Variants in DIXDC1 observed in about 807,000 individuals in gnomAD.
The protein encoded by DIXDC1 is dixin.
A neutral mutation model predicts 103.1 loss-of-function variants in DIXDC1; 64 were observed. That is an observed-to-expected ratio of 0.62 (90% CI 0.51 to 0.76). The LOEUF (loss-of-function observed/expected upper bound fraction) is 0.76, where lower values mean the gene tolerates loss of function less well. Ranked by LOEUF, DIXDC1 falls within the 30% of genes least tolerant of loss-of-function variation. The probability of loss-of-function intolerance (pLI) is 0.00; values close to 1 mark genes in which losing one functional copy is unlikely to be tolerated. For synonymous variants in DIXDC1, 266 were observed against 298.5 expected (o/e 0.89, Z 1.12); for missense variants, 759 against 834.2 (o/e 0.91, Z 1.11).
chr11:112,007,643 G>A (rs1861278524), intron 17 of DIXDC1, among the ~76,000 whole-genome samples: 2 of 152,122 alleles, frequency 1.3e-5, no homozygotes, highest in Admixed American at 1.3e-4. Context: ...AGAGAGTGGG[G>A]GCCAATATTC....
intron 17 of DIXDC1, among the ~76,000 whole-genome samples, chr11:112,013,342 GA>G (rs1207309948): frequency 6.4e-5 from 8 of 125,208 alleles, no homozygotes; most frequent in African/African-American, 2.1e-4. Context: ...TGGGGGGGGG[GA>G]ACAAATTCAG....
intron 1 of DIXDC1, among the ~76,000 whole-genome samples, chr11:111,928,207 A>G (rs1037439433): frequency 1.1e-4 from 17 of 151,596 alleles, no homozygotes; most frequent in African/African-American, 4.1e-4. Flanking sequence ...TGGAGGACTG[A>G]CCCCCACCAC....
Position 111,984,539 on chromosome 11 carries a change from A to G in DIXDC1, c.919-693A>G, listed in dbSNP as rs947701916. ...GGTGACAAAGTGAGACTCTGTCTCC[A>G]AATATTATAATAATAACAATAATAA... On this transcript the variant is annotated intron_variant, in intron 7 of 19. Coordinates refer to ENST00000440460, the MANE Select transcript of DIXDC1 (RefSeq NM_001037954.4). Among the ~76,000 whole-genome samples, 7 of 152,320 alleles carry G rather than the reference A, an allele frequency of 4.6e-5. No individual in the cohort carries two copies. The South Asian group carries it at 1.2e-3, about 27-fold the overall frequency.
Position 111,985,279 on chromosome 11 carries a change from C to T in DIXDC1, c.966C>T (p.Pro322=). ...GSLPEDEQER[P]LALCEPGVNP... is the part of the protein sequence containing the mutation. Reference sequence around the variant, plus strand: ...TACCTGAAGATGAACAGGAGAGGCCCTTGGCCCTCTGTGAACCAGGTGTCA... The same window carrying T: ...TACCTGAAGATGAACAGGAGAGGCCTTTGGCCCTCTGTGAACCAGGTGTCA... Residue 322 remains proline (P), a synonymous_variant, in exon 8 of 20, where the codon CCC becomes CCT. Coordinates refer to ENST00000440460, the MANE Select transcript of DIXDC1 (RefSeq NM_001037954.4). 3.1e-6 allele frequency: 5 copies of T among 1,613,702 alleles called. No individual in the cohort carries two copies. The highest frequency in any genetic ancestry group is 4.2e-6 in the Non-Finnish European group (5 of 1,179,806).
intron 10 of DIXDC1, among the ~76,000 whole-genome samples, chr11:111,990,082 G>A (rs7928483): frequency 0.026 from 3,682 of 141,810 alleles, 158 homozygotes; most frequent in African/African-American, 0.091. Flanking sequence ...GAGCCACCGC[G>A]CCCGGCCTTT....
Position 111,977,189 on chromosome 11 carries a change from CGCA to C in DIXDC1, c.656+2207_656+2209del. 1.1e-6 allele frequency: 1 copy of C among 940,940 alleles called. No individual in the cohort carries two copies. Among genetic ancestry groups the C allele is most frequent in the Non-Finnish European group, 1.3e-6 (1 of 788,926 alleles). The allele number at this position is 940,940 out of a possible 1,614,324, so 58.3% of individuals were successfully genotyped here. On this transcript the variant is annotated intron_variant, in intron 5 of 19. Coordinates refer to ENST00000440460, the MANE Select transcript of DIXDC1 (RefSeq NM_001037954.4). This position sits in a 1 kb window ranked among gnomAD's most constrained non-coding sequence, Gnocchi z 6.1. Reference sequence around the variant, plus strand: ...ACCCCGCCCAGCCCCGCCCCTGGCCCGCACCCTCAACCTCCGTCCAGAGCGGTC... The same window carrying C: ...ACCCCGCCCAGCCCCGCCCCTGGCCCCCCTCAACCTCCGTCCAGAGCGGTC...
chr11:111,966,397 A>AATTTT (rs1406243811), intron 2 of DIXDC1, among the ~76,000 whole-genome samples: 6 of 58,708 alleles, frequency 1.0e-4, no homozygotes, highest in African/African-American at 3.8e-4. Context: ...TAATTTTTGT[A>AATTTT]TTTTTTTTTT....
chr11:111,960,950 G>A (rs782590315), intron 1 of DIXDC1, among the ~76,000 whole-genome samples: 34 of 152,206 alleles, frequency 2.2e-4, no homozygotes, highest in Non-Finnish European at 3.5e-4. Context: ...GAGACAACTG[G>A]TAGATTTAGG....
At chr11:111,945,419 A>G (rs11214049) in intron 1 of DIXDC1, among the ~76,000 whole-genome samples, 47,400 of 151,916 alleles carry the variant, frequency 0.31, 8,432 homozygotes, top group East Asian at 0.58. Context: ...GTGATACAAT[A>G]CCAACCTGGT....
chr11:112,018,166 CAATA>C (rs1592639333), intron 19 of DIXDC1, among the ~76,000 whole-genome samples: 1 of 152,158 alleles, frequency 6.6e-6, no homozygotes, highest in Non-Finnish European at 1.5e-5. Context: ...GAACCTAAGA[CAATA>C]AATAATTTTC....
At chr11:111,978,791 G>A (rs1860204376) in intron 5 of DIXDC1, among the ~76,000 whole-genome samples, 2 of 152,164 alleles carry the variant, frequency 1.3e-5, no homozygotes, top group Non-Finnish European at 2.9e-5. Context: ...GTGTTTTCTT[G>A]TTTCTCAAAG....
chr11:111,936,694 TC>T (rs1555168121), upstream of DIXDC1, among the ~76,000 whole-genome samples: 1 of 152,174 alleles, frequency 6.6e-6, no homozygotes, highest in Non-Finnish European at 1.5e-5. Flanking sequence ...CTTATTTCTT[TC>T]CCTTCTGCTT....
At chr11:111,955,892 A>G (rs1435685990) in intron 1 of DIXDC1, among the ~76,000 whole-genome samples, 2 of 148,798 alleles carry the variant, frequency 1.3e-5, no homozygotes, top group African/African-American at 4.9e-5. Context: ...ATACTTGTAT[A>G]GCTGCATTAT....
rs1860343679 is a variant in DIXDC1, at chr11:111,982,493, T to G, written c.918+6T>G. On this transcript the variant is annotated splice_donor_region_variant and intron_variant, in intron 7 of 19. Transcript: ENST00000440460. Reference sequence around the variant, plus strand: ...AAATGATATCAGGACTACAGGTAGCTCTCTCCCTTGTAGTTTGCCCTTGTT... The same window carrying G: ...AAATGATATCAGGACTACAGGTAGCGCTCTCCCTTGTAGTTTGCCCTTGTT... 1.2e-6 allele frequency: 2 copies of G among 1,612,204 alleles called. No individual in the cohort carries two copies. Among genetic ancestry groups the G allele is most frequent in the Non-Finnish European group, 1.7e-6 (2 of 1,179,224 alleles).
chr11:111,984,960 AG>A (rs1255064058), intron 7 of DIXDC1, among the ~76,000 whole-genome samples: 1 of 152,194 alleles, frequency 6.6e-6, no homozygotes, highest in Non-Finnish European at 1.5e-5. Flanking sequence ...TTTGAAAAAA[AG>A]GTTTGTTTTT....
chr11:112,005,638 C>A (rs1861211627), intron 17 of DIXDC1, among the ~76,000 whole-genome samples: 1 of 152,136 alleles, frequency 6.6e-6, no homozygotes, highest in African/African-American at 2.4e-5. Context: ...TTGGAGGCTG[C>A]AGTGAGCTGT....
Position 111,993,681 on chromosome 11 carries a change from C to T in DIXDC1, c.1378C>T (p.Arg460Ter), listed in dbSNP as rs782163999. The change falls in exon 14 of 20, where the codon CGA becomes TGA. Residue 460 changes from arginine (R) to a stop codon, truncating the protein, a stop_gained. Transcript: ENST00000440460. LOFTEE classifies it high-confidence loss of function. ...DVSYHQVDLE[R>*]ELEHKDVLLA... Reference sequence around the variant, plus strand: ...GTCTATTTTGCAGGTGGATCTAGAGCGAGAGCTAGAACACAAAGATGTCCT... The same window carrying T: ...GTCTATTTTGCAGGTGGATCTAGAGTGAGAGCTAGAACACAAAGATGTCCT... 4 of 1,613,962 alleles carry T rather than the reference C, an allele frequency of 2.5e-6. No homozygotes were observed. Among genetic ancestry groups the T allele is most frequent in the East Asian group, 2.2e-5 (1 of 44,888 alleles).
intron 1 of DIXDC1, among the ~76,000 whole-genome samples, chr11:111,964,133 C>T (rs1859654701): frequency 6.6e-6 from 1 of 152,188 alleles, no homozygotes; most frequent in Non-Finnish European, 1.5e-5. Flanking sequence ...GTCTGTTATG[C>T]ATATGGCACG....
chr11:111,968,658 C>G lies in DIXDC1; in HGVS notation c.316+20C>G. 6.3e-7 allele frequency: 1 copy of G among 1,599,616 alleles called. No homozygotes were observed. Among genetic ancestry groups the G allele is most frequent in the Non-Finnish European group, 8.5e-7 (1 of 1,172,658 alleles). ...CTAAAGGTCAGTGCCTCATCACATC[C>G]TTGGTGCATGAGTATACTTTAACCA... On this transcript the variant is annotated intron_variant, in intron 3 of 19. Transcript: ENST00000440460.
Sources: allele counts gnomAD v4.1 joint callset (sites outside exome capture counted in the v4.1 genomes callset), GRCh38; gene constraint gnomAD v4.1.1; non-coding constraint Gnocchi (gnomAD v3.1); transcripts MANE v1.5; gene names NCBI Gene and HGNC (gene_info 2026-07-23, HGNC 2026-07-21).